Variants in ARHGAP10 observed in about 807,000 individuals in gnomAD.
ARHGAP10 encodes the protein rho GTPase-activating protein 10.
In ARHGAP10, 87 loss-of-function variants were observed where a neutral mutation model predicts 108.6. The ratio of observed to expected loss-of-function variants is 0.80; its 90% CI spans 0.67 to 0.96. The LOEUF (loss-of-function observed/expected upper bound fraction) is 0.96, where lower values mean the gene tolerates loss of function less well. Among genes scored for constraint, ARHGAP10 ranks in the 40% least tolerant of loss-of-function variants. The probability of loss-of-function intolerance (pLI) is 0.00; values close to 1 mark genes in which losing one functional copy is unlikely to be tolerated. For missense variants in ARHGAP10, 939 were observed against 954.5 expected (o/e 0.98, Z 0.21); for synonymous variants, 347 against 341.1 (o/e 1.02, Z -0.19).
chr4:147,779,378 C>T (rs879682377), intron 1 of ARHGAP10, among the ~76,000 whole-genome samples: 6 of 152,150 alleles, frequency 3.9e-5, no homozygotes, highest in Admixed American at 2.0e-4. Context: ...AGCTGGCACT[C>T]TCTTTAGGCA....
chr4:147,876,332 C>G (rs1735055292), intron 8 of ARHGAP10, among the ~76,000 whole-genome samples: 1 of 152,150 alleles, frequency 6.6e-6, no homozygotes, highest in African/African-American at 2.4e-5. Flanking sequence ...GTGGCTCACA[C>G]TTGTAATCCC....
intron 1 of ARHGAP10, among the ~76,000 whole-genome samples, chr4:147,740,522 G>A (rs1441005897): frequency 6.6e-6 from 1 of 152,106 alleles, no homozygotes; most frequent in Non-Finnish European, 1.5e-5. Context: ...TTAGTATGAT[G>A]ACTGATTTAA....
chr4:148,049,769 C>T (rs1729041390), intron 20 of ARHGAP10, among the ~76,000 whole-genome samples: 1 of 150,550 alleles, frequency 6.6e-6, no homozygotes, highest in Admixed American at 6.6e-5. Context: ...TAATCTTTCC[C>T]TTACCCCAAG....
At chr4:147,792,016 C>T (rs58274809) in intron 1 of ARHGAP10, among the ~76,000 whole-genome samples, 16,995 of 152,178 alleles carry the variant, frequency 0.11, 2,871 homozygotes, top group African/African-American at 0.37. Context: ...TGTGTATGTG[C>T]GTTTCTCTGG....
At chr4:147,993,398 A>G (rs1469624003) in intron 18 of ARHGAP10, among the ~76,000 whole-genome samples, 1 of 152,210 alleles carries the variant, frequency 6.6e-6, no homozygotes, top group Non-Finnish European at 1.5e-5. Context: ...CCTTACATTT[A>G]TGTCTGAAAT....
intron 1 of ARHGAP10, chr4:147,782,766 A>G (rs1192163165): frequency 2.0e-5 from 3 of 151,108 alleles, no homozygotes; most frequent in African/African-American, 7.3e-5. Context: ...TTATGTGTGT[A>G]AAGACTTCCT....
At chr4:148,000,643 A>C (rs1376253261) in intron 18 of ARHGAP10, among the ~76,000 whole-genome samples, 1 of 152,046 alleles carries the variant, frequency 6.6e-6, no homozygotes, top group African/African-American at 2.4e-5. Flanking sequence ...ATGGTATCTC[A>C]TTGTGGTTTT....
chr4:147,907,588 A>G (rs907951037), intron 11 of ARHGAP10, among the ~76,000 whole-genome samples: 3 of 152,230 alleles, frequency 2.0e-5, no homozygotes, highest in African/African-American at 7.2e-5. Flanking sequence ...GAAATGGGCA[A>G]AAGCTAATGT....
intron 13 of ARHGAP10, among the ~76,000 whole-genome samples, chr4:147,925,499 T>C (rs933225075): frequency 1.3e-5 from 2 of 152,224 alleles, no homozygotes; most frequent in Non-Finnish European, 2.9e-5. Flanking sequence ...CTTGAAAATT[T>C]ATTTAGCTGT....
intron 10 of ARHGAP10, among the ~76,000 whole-genome samples, chr4:147,904,366 A>G (rs1736369947): frequency 6.6e-6 from 1 of 151,944 alleles, no homozygotes; most frequent in African/African-American, 2.4e-5. Flanking sequence ...ATATCTCCTA[A>G]TGCTATCCCT....
At chr4:147,969,184 T>C (rs1311364171) in intron 18 of ARHGAP10, among the ~76,000 whole-genome samples, 9 of 152,224 alleles carry the variant, frequency 5.9e-5, no homozygotes, top group Non-Finnish European at 1.3e-4. Flanking sequence ...CTTGTTGCAT[T>C]GGCTGTTTGC....
rs551403261 is a variant in ARHGAP10 at position 147,814,291 on chromosome 4, C to CT, written c.155-8423dup. 8.7e-3 allele frequency among the ~76,000 whole-genome samples: 1,226 copies of CT among 141,702 alleles called. 10 individuals are homozygous for CT. The highest frequency in any genetic ancestry group is 0.024 in the African/African-American group (962 of 39,414). The allele number at this position is 141,702 out of a possible 152,430, so 93.0% of individuals were successfully genotyped here. ...GTTTTAGCCCTTTGCTAGGATGCAT[C>CT]TTTTTTTTTTTTTCCAAGCTTTAAA... On this transcript the variant is annotated intron_variant, in intron 1 of 22. Coordinates refer to ENST00000336498, the MANE Select transcript of ARHGAP10 (RefSeq NM_024605.4).
intron 15 of ARHGAP10, among the ~76,000 whole-genome samples, chr4:147,947,071 A>G (rs1738414958): frequency 6.6e-6 from 1 of 152,118 alleles, no homozygotes; most frequent in South Asian, 2.1e-4. Context: ...TTAAAGTTTA[A>G]ATGATTTGAA....
intron 13 of ARHGAP10, among the ~76,000 whole-genome samples, chr4:147,914,565 CCCCT>C (rs1268416659): frequency 1.8e-5 from 2 of 110,808 alleles, no homozygotes; most frequent in African/African-American, 3.3e-5. Context: ...CTCCCCCCCC[CCCCT>C]TTTTTTTTTT....
intron 18 of ARHGAP10, among the ~76,000 whole-genome samples, chr4:147,970,896 T>G (rs942719592): frequency 6.6e-6 from 1 of 152,100 alleles, no homozygotes; most frequent in Non-Finnish European, 1.5e-5. Flanking sequence ...GAGACCAGCC[T>G]GGCCAACATG....
intron 18 of ARHGAP10, among the ~76,000 whole-genome samples, chr4:147,989,026 C>G (rs1270439540): frequency 1.3e-5 from 2 of 152,200 alleles, no homozygotes; most frequent in Admixed American, 1.3e-4. Context: ...AGGTTCTTCT[C>G]TATTTTCCTA....
rs185393313 is a variant in ARHGAP10, at chr4:147,826,422, A to G, written c.312+3465A>G. The stretch of plus-strand genomic sequence containing the variant: ...AATAGGGTGGTGTCTGTATAAGGCC[A>G]TGAACCTTAGGAGTGGTGTGGTGTG... On this transcript the variant is annotated intron_variant, in intron 3 of 22. Transcript: ENST00000336498. 1.4e-3 allele frequency among the ~76,000 whole-genome samples: 211 copies of G among 152,244 alleles called. 1 individual carries two copies. The highest frequency in any genetic ancestry group is 2.3e-3 in the South Asian group (11 of 4,816).
rs531493836 is a variant in ARHGAP10 at position 147,779,828 on chromosome 4, C to T, written c.155-42899C>T. 8.1e-4 allele frequency among the ~76,000 whole-genome samples: 123 copies of T among 152,294 alleles called. No individual in the cohort carries two copies. In the Middle Eastern group the frequency reaches 0.01, roughly 13 times the overall value. ...CTTTTCATGATTCTAAATATGTAAT[C>T]TGTTGACCCTGAAATTTCCTCTTAT... is the stretch of plus-strand genomic sequence containing the variant. On this transcript the variant is annotated intron_variant, in intron 1 of 22. Transcript: ENST00000336498.
At chr4:147,747,378 C>T (rs58965352) in intron 1 of ARHGAP10, among the ~76,000 whole-genome samples, 3,650 of 152,304 alleles carry the variant, frequency 0.024, 147 homozygotes, top group African/African-American at 0.083. Flanking sequence ...AATATCTTCT[C>T]TTGCTCTTTT....
Sources: allele counts gnomAD v4.1 joint callset (sites outside exome capture counted in the v4.1 genomes callset), GRCh38; gene constraint gnomAD v4.1.1; transcripts MANE v1.5; gene names NCBI Gene and HGNC (gene_info 2026-07-23, HGNC 2026-07-21).